ABCB1: variants seen among roughly 807,000 people sequenced by gnomAD.
ABCB1 encodes ATP-dependent translocase ABCB1.
ABCB1 carries 69 observed loss-of-function variants against 142.0 expected under a neutral mutation model. The observed-to-expected ratio is 0.49, with a 90% CI of 0.40 to 0.59. The LOEUF (loss-of-function observed/expected upper bound fraction) is 0.59, where lower values mean the gene tolerates loss of function less well. Ranked by LOEUF, ABCB1 falls within the 20% of genes least tolerant of loss-of-function variation. The pLI, the probability that ABCB1 is intolerant of heterozygous loss-of-function variation, is 0.00. For synonymous variants in ABCB1, 532 were observed against 539.2 expected, an observed-to-expected ratio of 0.99 and a Z score of 0.18; for missense variants, 1,326 against 1,554.7, an observed-to-expected ratio of 0.85 and a Z score of 2.47.
At chr7:87,628,703 G>T in intron 1 of ABCB1, 1 of 578,328 alleles carries the variant, frequency 1.7e-6, no homozygotes. Flanking sequence ...CTCCCTCCAG[G>T]CTCCTTTCCT....
chr7:87,565,076 T>C (rs559435410), intron 7 of ABCB1, among the ~76,000 whole-genome samples: 11 of 152,174 alleles, frequency 7.2e-5, no homozygotes, highest in Non-Finnish European at 1.6e-4. Flanking sequence ...AGTGAGATAA[T>C]ACCTATACTT....
Position 87,516,566 on chromosome 7 carries a change from G to C in ABCB1, c.3027C>G (p.Ile1009Met), listed in dbSNP as rs1815258923. 9 of 1,614,172 alleles carry C rather than the reference G, an allele frequency of 5.6e-6. No individual in the cohort carries two copies. Among genetic ancestry groups the C allele is most frequent in the Non-Finnish European group, 7.6e-6 (9 of 1,180,030 alleles). Residue 1009 changes from isoleucine (I) to methionine (M), a missense_variant, in exon 24 of 28, where the codon ATC (isoleucine) becomes ATG (methionine). By Grantham distance (10) the Ile-to-Met change is conservative (BLOSUM62 1). Transcript: ENST00000622132. Reference protein sequence around the residue: ...AKAKISAAHIIMIIEKTPLID... With the variant: ...AKAKISAAHIMMIIEKTPLID... ...TCAAAGGGGTTTTTTCAATGATCAT[G>C]ATGATGTGGGCTGCTGATATTTTGG...
At chr7:87,518,033 A>G (rs1472963696) in intron 23 of ABCB1, among the ~76,000 whole-genome samples, 5 of 152,220 alleles carry the variant, frequency 3.3e-5, no homozygotes, top group African/African-American at 4.8e-5. Flanking sequence ...GCCCTTCTCT[A>G]GACACATTTA....
At chr7:87,696,186 A>T (rs568991642) in intron 1 of ABCB1, among the ~76,000 whole-genome samples, 14 of 152,304 alleles carry the variant, frequency 9.2e-5, no homozygotes, top group African/African-American at 3.4e-4. Context: ...AATTCTGTTA[A>T]TGACAGCATA....
chr7:87,562,298 C>T (rs1584882598), intron 7 of ABCB1, among the ~76,000 whole-genome samples: 2 of 152,230 alleles, frequency 1.3e-5, no homozygotes, highest in East Asian at 3.9e-4. Flanking sequence ...TCTTTAGTAC[C>T]CAAAATAATA....
At chr7:87,607,633 C>T (rs1584919459) in intron 1 of ABCB1, among the ~76,000 whole-genome samples, 1 of 151,990 alleles carries the variant, frequency 6.6e-6, no homozygotes, top group East Asian at 1.9e-4. Context: ...CTCACTGCAG[C>T]CTCAACCTCC....
At chr7:87,645,866 T>C (rs1165007089) in intron 1 of ABCB1, among the ~76,000 whole-genome samples, 1 of 152,176 alleles carries the variant, frequency 6.6e-6, no homozygotes, top group Non-Finnish European at 1.5e-5. Flanking sequence ...CTCTAAGGGA[T>C]TGATTTGCCT....
chr7:87,700,433 G>T (rs909537434), intron 1 of ABCB1: 6 of 1,606,436 alleles, frequency 3.7e-6, no homozygotes, highest in Middle Eastern at 1.7e-4. Flanking sequence ...CAAGTAACCT[G>T]GTTTGGTTAT....
chr7:87,625,145 G>T (rs2130112775), intron 1 of ABCB1, among the ~76,000 whole-genome samples: 1 of 152,032 alleles, frequency 6.6e-6, no homozygotes, highest in South Asian at 2.1e-4. Flanking sequence ...TAGTCCCAGC[G>T]ACTCGGGAGG....
At chr7:87,657,866 C>T (rs1254680495) in intron 1 of ABCB1, among the ~76,000 whole-genome samples, 2 of 152,150 alleles carry the variant, frequency 1.3e-5, no homozygotes, top group African/African-American at 4.8e-5. Context: ...TGAACTTCAT[C>T]CTCCACTTGG....
chr7:87,549,451 A>G lies in ABCB1; in HGVS notation c.1622T>C (p.Ile541Thr). 1.2e-6 allele frequency: 2 copies of G among 1,614,168 alleles called. No individual in the cohort carries two copies. The highest frequency in any genetic ancestry group is 1.7e-6 in the Non-Finnish European group (2 of 1,180,026). ...LSGGQKQRIAIARALVRNPKI... is the reference protein window; with the variant it reads ...LSGGQKQRIATARALVRNPKI... ...GGGGTTGCGAACCAGGGCACGTGCA[A>G]TGGCGATCCTCTGCTTCTGCCCACC... Residue 541 changes from isoleucine to threonine, a missense_variant, in exon 14 of 28, where the codon ATT (isoleucine) becomes ACT (threonine). Physicochemically the swap from Ile to Thr is moderately conservative, Grantham distance 89. Transcript: ENST00000622132.
intron 1 of ABCB1, among the ~76,000 whole-genome samples, chr7:87,643,069 A>G (rs983278997): frequency 6.6e-6 from 1 of 151,852 alleles, no homozygotes; most frequent in African/African-American, 2.4e-5. Context: ...GCCTCTTTCC[A>G]CCATGCCTGA....
chr7:87,509,579 T>G, intron 25 of ABCB1, 98 bp from the exon 26 acceptor site: 1 of 1,315,436 alleles, frequency 7.6e-7, no homozygotes, highest in African/African-American at 1.4e-5. Context: ...GCCAAGTTAC[T>G]GTGAGATTAA....
chr7:87,624,529 T>C (rs1373682072), intron 1 of ABCB1, among the ~76,000 whole-genome samples: 1 of 152,230 alleles, frequency 6.6e-6, no homozygotes, highest in Non-Finnish European at 1.5e-5. Context: ...TTCTGCCCAT[T>C]CGGTTCTACA....
At chr7:87,602,118 CAGGTAGCT>C (rs971157510), upstream of ABCB1, among the ~76,000 whole-genome samples, 1 of 151,988 alleles carries the variant, frequency 6.6e-6, no homozygotes, top group Non-Finnish European at 1.5e-5. Context: ...CTCAGCCTCC[CAGGTAGCT>C]GGGACTACAG....
intron 4 of ABCB1, among the ~76,000 whole-genome samples, chr7:87,571,876 G>A (rs1818071960): frequency 6.6e-6 from 1 of 152,158 alleles, no homozygotes; most frequent in African/African-American, 2.4e-5. Context: ...CAGGCCAGCA[G>A]ATAGGGAGAA....
At chr7:87,646,936 T>C (rs1445653888) in intron 1 of ABCB1, among the ~76,000 whole-genome samples, 1 of 152,190 alleles carries the variant, frequency 6.6e-6, no homozygotes. Flanking sequence ...TTCCTATATG[T>C]TATTTCCCGT....
intron 1 of ABCB1, among the ~76,000 whole-genome samples, chr7:87,657,243 G>C (rs185546269): frequency 6.6e-6 from 1 of 152,140 alleles, no homozygotes; most frequent in Non-Finnish European, 1.5e-5. Context: ...ACTGGGTGTT[G>C]GATAAGCCAG....
intron 14 of ABCB1, among the ~76,000 whole-genome samples, chr7:87,548,073 G>T (rs1427919614): frequency 7.4e-6 from 1 of 136,022 alleles, no homozygotes; most frequent in Non-Finnish European, 1.6e-5. Flanking sequence ...GAGAGGAAGA[G>T]AAGAGAAGAG....
Sources: allele counts gnomAD v4.1 joint callset (sites outside exome capture counted in the v4.1 genomes callset), GRCh38; gene constraint gnomAD v4.1.1; transcripts MANE v1.5; gene names NCBI Gene and HGNC (gene_info 2026-07-23, HGNC 2026-07-21).